The following OPHN1 variants were observed in gnomAD, a reference collection of about 807,000 sequenced individuals.
OPHN1 encodes the protein oligophrenin 1.
A neutral mutation model predicts 60.7 loss-of-function variants in OPHN1; 11 were observed. That is an observed-to-expected ratio of 0.18 (90% CI 0.11 to 0.30). The LOEUF (loss-of-function observed/expected upper bound fraction) is 0.30, where lower values mean the gene tolerates loss of function less well. Among genes scored for constraint, OPHN1 ranks in the 10% least tolerant of loss-of-function variants. OPHN1 has a pLI of 1.00. For synonymous variants in OPHN1, 226 were observed against 222.6 expected (o/e 1.02, Z -0.14); for missense variants, 449 against 611.0 (o/e 0.73, Z 2.80).
chrX:68,114,719 A>T (rs186992826), intron 16 of OPHN1, among the ~76,000 whole-genome samples: 1 of 111,394 alleles, frequency 9.0e-6, no homozygotes, highest in Non-Finnish European at 1.9e-5. Flanking sequence ...CGGGAGGGCA[A>T]GCCTGCAATG....
chrX:68,381,818 C>CCTTT (rs766390059), intron 2 of OPHN1, among the ~76,000 whole-genome samples: 3 of 111,008 alleles, frequency 2.7e-5, no homozygotes, highest in Non-Finnish European at 3.8e-5. Flanking sequence ...TCTCCTCTTC[C>CCTTT]CTTTCTTTCT....
chrX:68,264,849 G>A (rs1017968450), intron 5 of OPHN1, among the ~76,000 whole-genome samples: 3 of 112,444 alleles, frequency 2.7e-5, no homozygotes, highest in Non-Finnish European at 3.8e-5. Context: ...CTTTTCCAAC[G>A]GTCTTAGCAA....
intron 21 of OPHN1, among the ~76,000 whole-genome samples, chrX:68,057,576 T>C (rs1354808030): frequency 1.8e-5 from 2 of 112,077 alleles, no homozygotes; most frequent in East Asian, 5.6e-4. Context: ...TATAGCCACA[T>C]CCTAATGAAC....
rs140179945 is a variant in OPHN1, at chrX:68,266,833, A to G, written c.384+7905T>C. Among the ~76,000 whole-genome samples, 3 of 111,137 alleles carry G rather than the reference A, an allele frequency of 2.7e-5. No individual in the cohort carries two copies. In the Admixed American group the frequency reaches 2.9e-4, roughly 11 times the overall value. ...GCTCAAAATAAAGGGATGGAAGAAG[A>G]TCTCCCAAGCACATGGAAAGCAAAA... On this transcript the variant is annotated intron_variant, in intron 5 of 24. Transcript: ENST00000355520.
At chrX:68,416,014 C>CA (rs749491371) in intron 2 of OPHN1, among the ~76,000 whole-genome samples, 120 of 75,438 alleles carry the variant, frequency 1.6e-3, no homozygotes, top group African/African-American at 5.1e-3. Context: ...GACTCCGTCT[C>CA]AAAAAAAAAA....
At chrX:68,283,187 T>C in intron 3 of OPHN1, 70 bp from the exon 4 acceptor site, 1 of 917,815 alleles carries the variant, frequency 1.1e-6, no homozygotes, top group African/African-American at 1.9e-5. Context: ...TAGAGATCTG[T>C]GCAACAGGAA....
intron 6 of OPHN1, among the ~76,000 whole-genome samples, chrX:68,230,079 C>A (rs1203040867): frequency 8.9e-6 from 1 of 112,005 alleles, no homozygotes; most frequent in Non-Finnish European, 1.9e-5. Flanking sequence ...AAAAATCAAA[C>A]AACCCCATCA....
chrX:68,181,861 C>T (rs757703159), intron 15 of OPHN1, among the ~76,000 whole-genome samples: 1 of 111,765 alleles, frequency 8.9e-6, no homozygotes, highest in African/African-American at 3.3e-5. Flanking sequence ...TTTGGCAACC[C>T]TATTCCATCT....
At chrX:68,336,070 T>C (rs747892503) in intron 2 of OPHN1, among the ~76,000 whole-genome samples, 5 of 111,516 alleles carry the variant, frequency 4.5e-5, no homozygotes, top group African/African-American at 1.6e-4. Context: ...TCACAAGAAA[T>C]ACTGAAGGAC....
intron 18 of OPHN1, among the ~76,000 whole-genome samples, chrX:68,103,480 C>T (rs1006709004): frequency 9.0e-6 from 1 of 110,523 alleles, no homozygotes; most frequent in Non-Finnish European, 1.9e-5. Flanking sequence ...GACAAGCATG[C>T]CCTCTCTCAC....
intron 2 of OPHN1, among the ~76,000 whole-genome samples, chrX:68,311,678 C>T (rs2078174175): frequency 8.9e-6 from 1 of 112,086 alleles, no homozygotes; most frequent in East Asian, 2.8e-4. Context: ...AGTGATGCGC[C>T]CACCTCGGCC....
At chrX:68,081,750 G>C (rs140357416) in intron 19 of OPHN1, among the ~76,000 whole-genome samples, 2 of 111,585 alleles carry the variant, frequency 1.8e-5, no homozygotes, top group East Asian at 5.6e-4. Context: ...ACTGCTGATT[G>C]ATCAGGATGG....
chrX:68,051,856 A>T (rs2076853107), intron 23 of OPHN1, among the ~76,000 whole-genome samples: 1 of 112,139 alleles, frequency 8.9e-6, no homozygotes, highest in African/African-American at 3.2e-5. Context: ...ATGAAGAGGC[A>T]AAGAGACAAC....
chrX:68,104,750 G>T (rs763141279), intron 18 of OPHN1, among the ~76,000 whole-genome samples: 2 of 111,889 alleles, frequency 1.8e-5, no homozygotes, highest in Non-Finnish European at 3.8e-5. Flanking sequence ...ATAGGCATGC[G>T]CAATGACTTC....
At chrX:68,125,960 TACACACACACACACACAC>T (rs111449909) in intron 15 of OPHN1, among the ~76,000 whole-genome samples, 13 of 76,909 alleles carry the variant, frequency 1.7e-4, no homozygotes, top group South Asian at 7.4e-4. Context: ...TATATATACA[TACACACACACACACACAC>T]ATATATACCC....
intron 16 of OPHN1, among the ~76,000 whole-genome samples, chrX:68,115,731 A>G (rs956137369): frequency 9.0e-6 from 1 of 111,561 alleles, no homozygotes; most frequent in African/African-American, 3.3e-5. Context: ...CCAGGAGTGT[A>G]TATTACTTGA....
At chrX:68,126,591 C>A (rs1421899694) in intron 15 of OPHN1, among the ~76,000 whole-genome samples, 1 of 110,716 alleles carries the variant, frequency 9.0e-6, no homozygotes, top group Non-Finnish European at 1.9e-5. Flanking sequence ...ATTACAGGTG[C>A]GTGCCACCAC....
rs1225666696 is a variant in OPHN1, at chrX:68,378,476, C to T, written c.154+54391G>A. Among the ~76,000 whole-genome samples the T allele has an allele frequency of 3.6e-5, 4 of 111,769 alleles. No individual in the cohort carries two copies. The East Asian group carries it at 1.1e-3, about 31-fold the overall frequency. ...CAAATTTTGGCTTTTGTTGCCATTGCTTTTGGTGTTTTAGACATGAAGTCC... is the reference window on the plus strand; with the variant it reads ...CAAATTTTGGCTTTTGTTGCCATTGTTTTTGGTGTTTTAGACATGAAGTCC... On this transcript the variant is annotated intron_variant, in intron 2 of 24. Coordinates refer to ENST00000355520, the MANE Select transcript of OPHN1 (RefSeq NM_002547.3).
chrX:68,083,165 C>T (rs1012356440), intron 19 of OPHN1, among the ~76,000 whole-genome samples: 6 of 95,808 alleles, frequency 6.3e-5, no homozygotes, highest in African/African-American at 1.5e-4. Context: ...CTCCGCTTCC[C>T]GGGTTCACGC....
Sources: allele counts gnomAD v4.1 joint callset (sites outside exome capture counted in the v4.1 genomes callset), GRCh38; gene constraint gnomAD v4.1.1; transcripts MANE v1.5; gene names NCBI Gene and HGNC (gene_info 2026-07-23, HGNC 2026-07-21).